Variants in TRAF3 observed in about 807,000 individuals in gnomAD.
TRAF3 encodes TNF receptor associated factor 3, also known as TNF receptor-associated factor 3.
A neutral mutation model predicts 62.3 loss-of-function variants in TRAF3; 13 were observed. The ratio of observed to expected loss-of-function variants is 0.21; its 90% CI spans 0.14 to 0.33. The LOEUF is 0.33. Ranked by LOEUF, TRAF3 falls within the 10% of genes least tolerant of loss-of-function variation. The pLI, the probability that TRAF3 is intolerant of heterozygous loss-of-function variation, is 1.00. For synonymous variants in TRAF3, 269 were observed against 283.4 expected (o/e 0.95, Z 0.51); for missense variants, 440 against 741.8 (o/e 0.59, Z 4.73).
chr14:102,827,221 G>A (rs1455314566), intron 1 of TRAF3, among the ~76,000 whole-genome samples: 1 of 152,182 alleles, frequency 6.6e-6, no homozygotes, highest in Non-Finnish European at 1.5e-5. Context: ...CCTCCTGTGC[G>A]GTGCCAAGCC....
At position 102,886,133 on chromosome 14, in the gene TRAF3, G is replaced by T; in HGVS notation, c.571-56G>T. On this transcript the variant is annotated intron_variant, in intron 6 of 11. Coordinates refer to ENST00000392745, the MANE Select transcript of TRAF3 (RefSeq NM_145725.3). The stretch of plus-strand genomic sequence containing the variant: ...GGGGGCCCCATGGGGATCTCAGCGG[G>T]ACTGAAGGAAGACAGGTTGTGTGTT... The T allele has an allele frequency of 1.1e-5, 18 of 1,586,528 alleles. No homozygotes were observed. The South Asian group carries it at 1.7e-4, about 15-fold the overall frequency.
In TRAF3 at chr14:102,911,402, C is replaced by T. The variant is rs1324215205; in HGVS notation, c.*5618C>T. On this transcript the variant is annotated 3_prime_UTR_variant, in exon 12 of 12. Transcript: ENST00000392745. ...GAGGTCTTGCAATGTTTTTGTGTTT[C>T]TGATGCTAATAACTAAAGTTTGTAA... is the stretch of plus-strand genomic sequence containing the variant. The T allele has an allele frequency of 6.6e-6, 1 of 152,160 alleles. No homozygotes were observed. The highest frequency in any genetic ancestry group is 1.9e-4 in the East Asian group (1 of 5,198). The allele number at this position is 152,160 out of a possible 1,614,324, so 9.4% of individuals were successfully genotyped here.
intron 1 of TRAF3, among the ~76,000 whole-genome samples, chr14:102,819,704 G>C (rs1266531195): frequency 1.3e-5 from 2 of 152,210 alleles, no homozygotes; most frequent in East Asian, 3.8e-4. Context: ...TGGAATTTTT[G>C]AGATTTTTAG....
intron 6 of TRAF3, among the ~76,000 whole-genome samples, chr14:102,878,539 C>T (rs1318204485): frequency 5.3e-5 from 8 of 152,112 alleles, no homozygotes; most frequent in Admixed American, 3.9e-4. Context: ...ACCTACTGTG[C>T]GCCGGGCAGT....
chr14:102,811,259 C>T (rs2139517311), intron 1 of TRAF3, among the ~76,000 whole-genome samples: 1 of 151,254 alleles, frequency 6.6e-6, no homozygotes, highest in South Asian at 2.1e-4. Flanking sequence ...CCCGTTGCTG[C>T]TGTCTGTATT....
intron 6 of TRAF3, among the ~76,000 whole-genome samples, chr14:102,881,464 T>C (rs1419080015): frequency 2.0e-5 from 3 of 150,430 alleles, no homozygotes; most frequent in Middle Eastern, 7.0e-3. Flanking sequence ...GAGCTGGAAG[T>C]CATTGTCCTT....
intron 2 of TRAF3, among the ~76,000 whole-genome samples, chr14:102,856,163 GT>G (rs1249804356): frequency 1.3e-5 from 2 of 151,628 alleles, no homozygotes; most frequent in African/African-American, 4.9e-5. Flanking sequence ...ACTCACTGTG[GT>G]TTTGATTTGT....
rs28735308 is a variant in TRAF3 at position 102,795,619 on chromosome 14, T to C, written c.-157+17944T>C. On this transcript the variant is annotated intron_variant, in intron 1 of 11. Coordinates refer to ENST00000392745, the MANE Select transcript of TRAF3 (RefSeq NM_145725.3). ...ATATATGTGTGTGTGTGTGTGTGTG[T>C]GCATAGTTTTCATCCATTGTTTCTG... Among the ~76,000 whole-genome samples, 1,132 of 151,948 alleles carry C rather than the reference T, an allele frequency of 7.4e-3. 19 individuals carry two copies. The highest frequency in any genetic ancestry group is 0.026 in the African/African-American group (1,066 of 41,428).
intron 2 of TRAF3, among the ~76,000 whole-genome samples, chr14:102,866,892 C>CACACAGAG (rs1491199272): frequency 6.8e-6 from 1 of 146,486 alleles, no homozygotes; most frequent in African/African-American, 2.6e-5. Flanking sequence ...CACACACACA[C>CACACAGAG]AAAACAATGA....
At chr14:102,871,088 G>A (rs1595379940) in intron 3 of TRAF3, among the ~76,000 whole-genome samples, 1 of 152,210 alleles carries the variant, frequency 6.6e-6, no homozygotes. Flanking sequence ...GGGTCGCTGC[G>A]GGATGCCCTG....
chr14:102,891,208 A>T (rs1004734835), intron 8 of TRAF3, 117 bp from the exon 9 acceptor site: 12 of 962,144 alleles, frequency 1.2e-5, no homozygotes, highest in Admixed American at 2.0e-5. Flanking sequence ...TGTTCACTTG[A>T]CGCAAATAGG....
chr14:102,888,550 A>G (rs1327462577), intron 7 of TRAF3, among the ~76,000 whole-genome samples: 1 of 152,202 alleles, frequency 6.6e-6, no homozygotes, highest in African/African-American at 2.4e-5. Context: ...GCCCTCCAGG[A>G]GGATGTGCTC....
intron 2 of TRAF3, 107 bp downstream of exon 2, chr14:102,830,579 T>C (rs983767468): frequency 6.6e-6 from 1 of 152,248 alleles, no homozygotes; most frequent in Non-Finnish European, 1.5e-5. Flanking sequence ...TTTAGAATTT[T>C]AAAAATTCTT....
intron 4 of TRAF3, among the ~76,000 whole-genome samples, chr14:102,874,379 C>T (rs1888521609): frequency 6.6e-6 from 1 of 152,156 alleles, no homozygotes; most frequent in Non-Finnish European, 1.5e-5. Flanking sequence ...GCCTCAGCCT[C>T]CCGAGTAGCT....
intron 2 of TRAF3, among the ~76,000 whole-genome samples, chr14:102,850,815 A>G (rs1397026240): frequency 6.6e-6 from 1 of 151,646 alleles, no homozygotes; most frequent in African/African-American, 2.4e-5. Context: ...TTTTAGTCAC[A>G]CAATTCCCTT....
intron 2 of TRAF3, among the ~76,000 whole-genome samples, chr14:102,835,756 G>T (rs1885961144): frequency 1.3e-5 from 2 of 152,154 alleles, no homozygotes; most frequent in Admixed American, 6.5e-5. Context: ...CCTACTTGAG[G>T]GTGGAAGGTG....
intron 1 of TRAF3, among the ~76,000 whole-genome samples, chr14:102,779,073 A>G (rs1026617704): frequency 2.0e-5 from 3 of 152,198 alleles, no homozygotes; most frequent in Non-Finnish European, 4.4e-5. Context: ...AAAACATCAC[A>G]TGGGACTGGA....
In TRAF3 at chr14:102,793,895, G is replaced by C. The variant is rs74564349; in HGVS notation, c.-157+16220G>C. 8.0e-3 allele frequency among the ~76,000 whole-genome samples: 1,213 copies of C among 152,318 alleles called. 19 individuals carry two copies. Among genetic ancestry groups the C allele is most frequent in the African/African-American group, 0.028 (1,146 of 41,570 alleles). On this transcript the variant is annotated intron_variant, in intron 1 of 11. Transcript: ENST00000392745. ...TGGTTCTGTGGGCTGATCAAGCAGG[G>C]CTCAGCTGGGTGATTCTTCTGCTCC...
chr14:102,908,856 C>G lies in TRAF3; in HGVS notation c.*3072C>G, dbSNP rs1360932295. The G allele has an allele frequency of 6.6e-6, 1 of 152,288 alleles. No individual in the cohort carries two copies. The highest frequency in any genetic ancestry group is 1.5e-5 in the Non-Finnish European group (1 of 68,062). 9.4% of individuals were successfully genotyped at this position (152,288 alleles called of 1,614,324 possible). On this transcript the variant is annotated 3_prime_UTR_variant, in exon 12 of 12. Coordinates refer to ENST00000392745, the MANE Select transcript of TRAF3 (RefSeq NM_145725.3). ...TCGGGCTGCTCCCTGCTGCCAGGCACGCTGGTTGGCTGGCCTGGGCCCGGC... is the reference window on the plus strand; with the variant it reads ...TCGGGCTGCTCCCTGCTGCCAGGCAGGCTGGTTGGCTGGCCTGGGCCCGGC...
Sources: allele counts gnomAD v4.1 joint callset (sites outside exome capture counted in the v4.1 genomes callset), GRCh38; gene constraint gnomAD v4.1.1; transcripts MANE v1.5; gene names NCBI Gene and HGNC (gene_info 2026-07-23, HGNC 2026-07-21).